PTPRO: variants seen among roughly 807,000 people sequenced by gnomAD.
PTPRO encodes the protein protein tyrosine phosphatase receptor type O.
PTPRO carries 62 observed loss-of-function variants against 145.2 expected under a neutral mutation model. The observed-to-expected ratio is 0.43, with a 90% confidence interval of 0.35 to 0.53. The LOEUF is 0.53. PTPRO is among the 20% of genes least tolerant of loss of function. The probability of loss-of-function intolerance (pLI) is 0.01; values close to 1 mark genes in which losing one functional copy is unlikely to be tolerated. For synonymous variants in PTPRO, 565 were observed against 514.7 expected (o/e 1.10, Z -1.32); for missense variants, 1,345 against 1,482.7 (o/e 0.91, Z 1.53).
chr12:15,446,246 T>G (rs1486338040), intron 1 of PTPRO, among the ~76,000 whole-genome samples: 1 of 152,150 alleles, frequency 6.6e-6, no homozygotes, highest in East Asian at 1.9e-4. Flanking sequence ...AAGTTCAAAT[T>G]TTACTAATGT....
At position 15,516,939 on chromosome 12, in the gene PTPRO, T is replaced by C. The variant is rs1358099795; in HGVS notation, c.1762T>C (p.Ser588Pro). ...CTACTATGAAATAGCAGCAACTGTT[T>C]CCTTAACTGCATCCGTGGTAATCTT... ...TTYYEIAATV[S>P]LTASVRIANL... Residue 588 changes from serine (S) to proline (P), a missense_variant, in exon 9 of 27, where the codon TCC becomes CCC. This residue lies in a region of PTPRO where 1,130 missense variants were observed against 1,214.7 expected (regional missense o/e 0.93). Transcript: ENST00000281171. 6.2e-7 allele frequency: 1 copy of C among 1,613,436 alleles called. No individual in the cohort carries two copies. The highest frequency in any genetic ancestry group is 2.2e-5 in the East Asian group (1 of 44,892).
chr12:15,360,742 CACTA>C (rs1023486781), intron 1 of PTPRO, among the ~76,000 whole-genome samples: 2 of 144,920 alleles, frequency 1.4e-5, no homozygotes, highest in African/African-American at 5.1e-5. Flanking sequence ...AAAACACACA[CACTA>C]TGTGTGTGTA....
chr12:15,325,848 G>C (rs1166960843), intron 1 of PTPRO, among the ~76,000 whole-genome samples: 2 of 152,288 alleles, frequency 1.3e-5, no homozygotes, highest in African/African-American at 2.4e-5. Context: ...TTGCTTTTTA[G>C]TAGTCAGCTG....
At chr12:15,551,444 A>G in intron 14 of PTPRO, 107 bp from the exon 15 acceptor site, 1 of 1,374,614 alleles carries the variant, frequency 7.3e-7, no homozygotes, top group Non-Finnish European at 1.0e-6. Flanking sequence ...TATTATTGGT[A>G]TCATCGTAAG....
At chr12:15,517,368 C>G (rs1038269421) in intron 9 of PTPRO, among the ~76,000 whole-genome samples, 14 of 152,288 alleles carry the variant, frequency 9.2e-5, no homozygotes, top group African/African-American at 3.4e-4. Context: ...CAGGGTCCCT[C>G]GCACAACACT....
rs541803921 is a variant in PTPRO at position 15,395,515 on chromosome 12, TA to T, written c.75+72724del. The stretch of plus-strand genomic sequence containing the variant: ...CTTCTAATTAGAAGAATGTTAATGA[TA>T]AAAAAAAAATCTTCCTATAGTCTCT... On this transcript the variant is annotated intron_variant, in intron 1 of 26. Transcript: ENST00000281171. 9.0e-4 allele frequency among the ~76,000 whole-genome samples: 134 copies of T among 149,500 alleles called. No homozygotes were observed. In the Middle Eastern group the frequency reaches 0.01, roughly 11 times the overall value.
At chr12:15,502,105 A>C (rs539997359) in intron 5 of PTPRO, 42 bp downstream of exon 5, 2 of 1,536,120 alleles carry the variant, frequency 1.3e-6, no homozygotes, top group East Asian at 4.5e-5. Context: ...ACTGATACAA[A>C]GGAAGGGGAA....
At chr12:15,388,380 T>A (rs951122979) in intron 1 of PTPRO, among the ~76,000 whole-genome samples, 2 of 152,220 alleles carry the variant, frequency 1.3e-5, no homozygotes, top group Admixed American at 6.5e-5. Context: ...TGTACAATTC[T>A]GTTTTTTTAA....
intron 1 of PTPRO, among the ~76,000 whole-genome samples, chr12:15,446,321 T>A (rs1353604251): frequency 2.0e-5 from 3 of 151,936 alleles, no homozygotes; most frequent in Admixed American, 2.0e-4. Flanking sequence ...ATAGAAGAAA[T>A]TGAATCAGAA....
At position 15,551,585 on chromosome 12, in the gene PTPRO, C is replaced by CG; in HGVS notation, c.2473dup (p.Val825GlyfsTer6). On this transcript the variant is annotated frameshift_variant, in exon 15 of 27. Coordinates refer to ENST00000281171, the MANE Select transcript of PTPRO (RefSeq NM_030667.3). LOFTEE classifies it high-confidence loss of function. ...TGAATCCCAATGTGGTAGTGATCTC[C>CG]GTGCTGGCCATCCTTAGCACACTTT... The CG allele has an allele frequency of 6.2e-7, 1 of 1,613,604 alleles. No homozygotes were observed.
intron 1 of PTPRO, among the ~76,000 whole-genome samples, chr12:15,440,831 T>C (rs769508144): frequency 6.6e-6 from 1 of 152,216 alleles, no homozygotes; most frequent in Non-Finnish European, 1.5e-5. Context: ...AAGTCTTGAC[T>C]CTCATAAATA....
chr12:15,502,491 A>G (rs1942242336), intron 5 of PTPRO, among the ~76,000 whole-genome samples: 1 of 152,226 alleles, frequency 6.6e-6, no homozygotes, highest in Non-Finnish European at 1.5e-5. Context: ...AAACATTACT[A>G]CTTCCTCAAG....
At chr12:15,456,284 A>G (rs1335585383) in intron 1 of PTPRO, among the ~76,000 whole-genome samples, 2 of 152,126 alleles carry the variant, frequency 1.3e-5, no homozygotes, top group African/African-American at 2.4e-5. Flanking sequence ...GTTGATTTTC[A>G]TATGTTGAAT....
rs1396504004 is a variant in PTPRO at position 15,506,059 on chromosome 12, C to T, written c.1267+1990C>T. Reference sequence around the variant, plus strand: ...ATTATAACTCAGGAATATTTGATAACAAAACCCATTTTCATTTAGCCTGCC... The same window carrying T: ...ATTATAACTCAGGAATATTTGATAATAAAACCCATTTTCATTTAGCCTGCC... On this transcript the variant is annotated intron_variant, in intron 6 of 26. Coordinates refer to ENST00000281171, the MANE Select transcript of PTPRO (RefSeq NM_030667.3). Among the ~76,000 whole-genome samples the T allele has an allele frequency of 3.3e-5, 5 of 152,152 alleles. No homozygotes were observed. The South Asian group carries it at 1.0e-3, about 32-fold the overall frequency.
chr12:15,492,669 TTTGA>T (rs1942023728), intron 2 of PTPRO, among the ~76,000 whole-genome samples: 1 of 152,132 alleles, frequency 6.6e-6, no homozygotes, highest in Non-Finnish European at 1.5e-5. Flanking sequence ...GTAAAATTAA[TTTGA>T]TTGATTAAAT....
intron 25 of PTPRO, among the ~76,000 whole-genome samples, chr12:15,593,926 C>T (rs545864025): frequency 1.4e-4 from 21 of 152,180 alleles, no homozygotes; most frequent in Non-Finnish European, 2.9e-4. Context: ...CCTCAGTTTA[C>T]TTCAAAAATC....
intron 7 of PTPRO, among the ~76,000 whole-genome samples, chr12:15,511,513 G>A (rs1942439819): frequency 6.6e-6 from 1 of 152,164 alleles, no homozygotes; most frequent in Admixed American, 6.5e-5. Flanking sequence ...ATTTTAAAAA[G>A]TATAATATCC....
intron 1 of PTPRO, among the ~76,000 whole-genome samples, chr12:15,456,206 T>C (rs1370160222): frequency 1.3e-5 from 2 of 152,222 alleles, no homozygotes; most frequent in African/African-American, 4.8e-5. Context: ...TCAAATTTCT[T>C]TTCTACATTT....
At chr12:15,542,165 T>C (rs1565695983) in intron 12 of PTPRO, among the ~76,000 whole-genome samples, 1 of 152,194 alleles carries the variant, frequency 6.6e-6, no homozygotes, top group Non-Finnish European at 1.5e-5. Context: ...AATTGCCTAA[T>C]TAATATTTAG....
Sources: allele counts gnomAD v4.1 joint callset (sites outside exome capture counted in the v4.1 genomes callset), GRCh38; gene constraint gnomAD v4.1.1; regional missense constraint gnomAD v4.1.1; transcripts MANE v1.5; gene names NCBI Gene and HGNC (gene_info 2026-07-23, HGNC 2026-07-21).